Variants in VPS16 observed in about 807,000 individuals in gnomAD.
VPS16 encodes vacuolar protein sorting-associated protein 16 homolog.
In VPS16, 82 loss-of-function variants were observed where a neutral mutation model predicts 116.0. The observed-to-expected ratio is 0.71, with a 90% CI of 0.59 to 0.85. VPS16 has a LOEUF of 0.85. Among genes scored for constraint, VPS16 ranks in the 40% least tolerant of loss-of-function variants. VPS16 has a pLI of 0.00. For missense variants in VPS16, 928 were observed against 1,090.6 expected, an observed-to-expected ratio of 0.85 and a Z score of 2.10; for synonymous variants, 406 against 420.7, an observed-to-expected ratio of 0.96 and a Z score of 0.43.
In VPS16 at chr20:2,860,861, G is replaced by A. The variant is rs61729228; in HGVS notation, c.628G>A (p.Val210Met). ...YLLDHAACSA[V>M]TPPGLAPGVS... ...CTTGGACCATGCAGCCTGCTCCGCAGTGGTAAGGGCCCTGAGTGGGAATGA... is the reference window on the plus strand; with the variant it reads ...CTTGGACCATGCAGCCTGCTCCGCAATGGTAAGGGCCCTGAGTGGGAATGA... Residue 210 changes from valine (V) to methionine (M), a missense_variant and splice_region_variant, in exon 6 of 24, where the codon GTG becomes ATG. Val to Met is a conservative substitution (Grantham distance 21). Coordinates refer to ENST00000380445, the MANE Select transcript of VPS16 (RefSeq NM_022575.4). The surrounding 1 kb of genome is among the most constrained non-coding windows in gnomAD (Gnocchi z 6.1). The A allele has an allele frequency of 6.7e-4, 1,082 of 1,614,124 alleles. 11 individuals are homozygous for A. In the African/African-American group the frequency reaches 0.013, roughly 19 times the overall value.
chr20:2,842,909 T>TATCTATCGA (rs1428286703), intron 1 of VPS16, among the ~76,000 whole-genome samples: 4 of 23,826 alleles, frequency 1.7e-4, no homozygotes, highest in Non-Finnish European at 5.7e-4. Context: ...TAGATATATG[T>TATCTATCGA]TATGGATTGC....
Position 2,861,689 on chromosome 20 carries a change from C to T in VPS16, c.884C>T (p.Ala295Val), listed in dbSNP as rs201797498. 3 of 1,612,950 alleles carry T rather than the reference C, an allele frequency of 1.9e-6. No individual in the cohort carries two copies. The highest frequency in any genetic ancestry group is 2.5e-6 in the Non-Finnish European group (3 of 1,179,772). The change falls in exon 9 of 24, where the codon GCA (alanine) becomes GTA (valine). Residue 295 changes from alanine (A) to valine (V), a missense_variant. Transcript: ENST00000380445. The stretch of plus-strand genomic sequence containing the variant: ...AGGCGGCTGATGGTGGTGGGCGATG[C>T]ACCCGAGAGCATCCAGTATCCTTGG... Reference protein sequence around the residue: ...WERRLMVVGDAPESIQFVLDE... With the variant: ...WERRLMVVGDVPESIQFVLDE...
In VPS16 at chr20:2,863,246, C is replaced by A; in HGVS notation, c.1368-44C>A. 6.2e-7 allele frequency: 1 copy of A among 1,612,956 alleles called. No individual in the cohort carries two copies. Among genetic ancestry groups the A allele is most frequent in the Non-Finnish European group, 8.5e-7 (1 of 1,179,076 alleles). The stretch of plus-strand genomic sequence containing the variant: ...GCTGAGGCCACTCTGCTCCCTTTCT[C>A]CTCCACCTCACTCCTTGTATCCTTT... On this transcript the variant is annotated intron_variant, in intron 14 of 23. Coordinates refer to ENST00000380445, the MANE Select transcript of VPS16 (RefSeq NM_022575.4). The surrounding 1 kb of genome is among the most constrained non-coding windows in gnomAD (Gnocchi z 4.4).
intron 8 of VPS16, 114 bp from the exon 9 acceptor site, chr20:2,861,501 A>G: frequency 7.2e-7 from 1 of 1,388,124 alleles, no homozygotes; most frequent in Non-Finnish European, 9.8e-7. Context: ...AGGTCAGTGT[A>G]CAGTCAGTGA....
intron 1 of VPS16, among the ~76,000 whole-genome samples, chr20:2,842,812 CTATCTATAGATAGACATATAGATG>C (rs1395360218): frequency 6.5e-5 from 8 of 123,414 alleles, no homozygotes; most frequent in South Asian, 2.6e-4. Flanking sequence ...ATAGATGTAT[CTATCTATAGATAGACATATAGATG>C]TATCTATCGA....
chr20:2,848,616 A>G (rs2089085798), intron 1 of VPS16, among the ~76,000 whole-genome samples: 1 of 152,196 alleles, frequency 6.6e-6, no homozygotes, highest in Non-Finnish European at 1.5e-5. Context: ...TTGTCAGTAA[A>G]TTTAGGTCAG....
chr20:2,855,176 G>T (rs551004736), intron 1 of VPS16, among the ~76,000 whole-genome samples: 1 of 152,012 alleles, frequency 6.6e-6, no homozygotes, highest in African/African-American at 2.4e-5. Flanking sequence ...GGCCAGGCTG[G>T]TCTCAACTCC....
intron 11 of VPS16, 153 bp from the exon 12 acceptor site, chr20:2,862,426 C>T: frequency 7.0e-7 from 1 of 1,429,508 alleles, no homozygotes; most frequent in Non-Finnish European, 9.3e-7. Context: ...CTGTGGGCAC[C>T]TCAGGTGGAT....
intron 11 of VPS16, 126 bp from the exon 12 acceptor site, chr20:2,862,453 G>T: frequency 6.7e-7 from 1 of 1,488,056 alleles, no homozygotes; most frequent in Non-Finnish European, 8.9e-7. Context: ...GGCTGAGGGA[G>T]TTGGGGCTCC....
At position 2,860,987 on chromosome 20, in the gene VPS16, C is replaced by T; in HGVS notation, c.648C>T (p.Ala216=). The T allele has an allele frequency of 1.2e-6, 2 of 1,614,168 alleles. No homozygotes were observed. Among genetic ancestry groups the T allele is most frequent in the East Asian group, 2.2e-5 (1 of 44,874 alleles). The change falls in exon 7 of 24, where the codon GCC becomes GCT. Residue 216 remains alanine (A), a synonymous_variant. Transcript: ENST00000380445. The surrounding 1 kb of genome is among the most constrained non-coding windows in gnomAD (Gnocchi z 6.1). ...ACSAVTPPGL[A]PGVSSFLQMA... ...TGCCTCAGACGCCCCCTGGCCTGGC[C>T]CCAGGAGTAAGCAGCTTCCTACAGA...
At chr20:2,857,335 CAGA>C (rs1465022158) in intron 1 of VPS16, among the ~76,000 whole-genome samples, 1 of 152,162 alleles carries the variant, frequency 6.6e-6, no homozygotes, top group East Asian at 1.9e-4. Flanking sequence ...AGATAATTGG[CAGA>C]AGGTGTTTAT....
At chr20:2,851,919 G>A (rs6037422) in intron 1 of VPS16, among the ~76,000 whole-genome samples, 71,946 of 152,054 alleles carry the variant, frequency 0.47, 19,235 homozygotes, top group African/African-American at 0.73. Context: ...TGCAGGAGCC[G>A]AGATCGTGCC....
At chr20:2,847,299 A>G (rs1408330657) in intron 1 of VPS16, among the ~76,000 whole-genome samples, 1 of 151,890 alleles carries the variant, frequency 6.6e-6, no homozygotes, top group Admixed American at 6.6e-5. Context: ...ACGGCCTCCT[A>G]GGCATCCCAG....
chr20:2,845,164 C>G (rs550600592), intron 1 of VPS16, among the ~76,000 whole-genome samples: 10 of 151,664 alleles, frequency 6.6e-5, no homozygotes, highest in Non-Finnish European at 1.3e-4. Flanking sequence ...ATGGCCAGTA[C>G]TGGGGTGGTG....
In VPS16 at chr20:2,860,009, G is replaced by A. The variant is rs748048348; in HGVS notation, c.143-45G>A. The stretch of plus-strand genomic sequence containing the variant: ...GGATGTGAGGCCTGCTTCACATGGG[G>A]TGGGCCTAGGGAGCTAGGACAGAAG... On this transcript the variant is annotated intron_variant, in intron 2 of 23. Coordinates refer to ENST00000380445, the MANE Select transcript of VPS16 (RefSeq NM_022575.4). The surrounding 1 kb of genome is among the most constrained non-coding windows in gnomAD (Gnocchi z 6.1). 1.2e-6 allele frequency: 2 copies of A among 1,607,750 alleles called. No homozygotes were observed. The highest frequency in any genetic ancestry group is 8.5e-7 in the Non-Finnish European group (1 of 1,174,970).
intron 1 of VPS16, among the ~76,000 whole-genome samples, chr20:2,852,668 C>G (rs935366139): frequency 1.3e-5 from 2 of 152,166 alleles, no homozygotes; most frequent in Admixed American, 6.5e-5. Context: ...TTACAGTATA[C>G]TGTAGTATAT....
chr20:2,841,038 G>A (rs1568619540), intron 1 of VPS16: 3 of 579,814 alleles, frequency 5.2e-6, no homozygotes, highest in East Asian at 6.1e-5. Flanking sequence ...GGCAAGCACA[G>A]TGGTCACCCC....
intron 11 of VPS16, 33 bp downstream of exon 11, chr20:2,862,163 A>G: frequency 6.2e-7 from 1 of 1,603,716 alleles, no homozygotes; most frequent in East Asian, 2.2e-5. Context: ...CAGTCCCAGA[A>G]TGGTTCCTCC....
chr20:2,859,959 C>T (rs1042070111), intron 2 of VPS16, 95 bp from the exon 3 acceptor site: 1 of 1,545,294 alleles, frequency 6.5e-7, no homozygotes, highest in Non-Finnish European at 8.9e-7. Context: ...AGGCCTGCTT[C>T]ACATGGGGTG....
Sources: allele counts gnomAD v4.1 joint callset (sites outside exome capture counted in the v4.1 genomes callset), GRCh38; gene constraint gnomAD v4.1.1; non-coding constraint Gnocchi (gnomAD v3.1); transcripts MANE v1.5; gene names NCBI Gene and HGNC (gene_info 2026-07-23, HGNC 2026-07-21).